Variants in TUBE1 observed in about 807,000 individuals in gnomAD.
TUBE1 encodes tubulin epsilon 1.
A neutral mutation model predicts 53.5 loss-of-function variants in TUBE1; 34 were observed. The ratio of observed to expected loss-of-function variants is 0.64; its 90% CI spans 0.48 to 0.85. TUBE1 has a LOEUF of 0.85. TUBE1 is among the 40% of genes least tolerant of loss of function. The pLI, the probability that TUBE1 is intolerant of heterozygous loss-of-function variation, is 0.00. For missense variants in TUBE1, 532 were observed against 570.5 expected (o/e 0.93, Z 0.69); for synonymous variants, 177 against 198.4 (o/e 0.89, Z 0.91).
At chr6:112,087,349 C>T in intron 1 of TUBE1, 43 bp from the exon 2 acceptor site, 1 of 1,551,476 alleles carries the variant, frequency 6.4e-7, no homozygotes, top group South Asian at 1.2e-5. Context: ...GGACATTAAG[C>T]AGGAAACATG....
At chr6:112,086,461 C>T (rs1554317329) in intron 3 of TUBE1, 95 bp downstream of exon 3, 2 of 814,478 alleles carry the variant, frequency 2.5e-6, no homozygotes, top group Non-Finnish European at 3.8e-6. Context: ...AACACAACTT[C>T]GCAGCTGGCT....
Position 112,079,144 on chromosome 6 carries a change from A to G in TUBE1, c.448+489T>C, listed in dbSNP as rs1263651626. On this transcript the variant is annotated intron_variant, in intron 6 of 11. Coordinates refer to ENST00000368662, the MANE Select transcript of TUBE1 (RefSeq NM_016262.5). ...TAAATGATCTAAAGGAATTGACTAA[A>G]CTAGTTTCCTTTTTTTTCTCTTTTT... Among the ~76,000 whole-genome samples, 2 of 151,982 alleles carry G rather than the reference A, an allele frequency of 1.3e-5. 1 individual carries two copies. Among genetic ancestry groups the G allele is most frequent in the Non-Finnish European group, 2.9e-5 (2 of 67,898 alleles).
chr6:112,087,351 G>A (rs1410073861), intron 1 of TUBE1, 45 bp from the exon 2 acceptor site: 7 of 1,551,516 alleles, frequency 4.5e-6, no homozygotes, highest in Non-Finnish European at 6.1e-6. Flanking sequence ...ACATTAAGCA[G>A]GAAACATGGC....
In TUBE1 at chr6:112,076,340, T is replaced by C. The variant is rs76283290; in HGVS notation, c.618A>G (p.Val206=). Residue 206 remains valine, a synonymous_variant, in exon 7 of 12, where the codon GTA becomes GTG. Transcript: ENST00000368662. ...MKELNEHADC[V]LPIDNQSLFD... ...TTCTTACTTGATTGTCAATGGGCAA[T>C]ACACAGTCTGCATGCTCATTAAGTT... 6.3e-7 allele frequency: 1 copy of C among 1,590,344 alleles called. No homozygotes were observed.
intron 2 of TUBE1, chr6:112,086,896 A>T: frequency 2.0e-6 from 1 of 490,388 alleles, no homozygotes; most frequent in East Asian, 3.3e-5. Context: ...TAATCTTTTT[A>T]AAAGCTGACT....
chr6:112,074,766 G>C lies in TUBE1; in HGVS notation c.897C>G (p.Leu299=). The C allele has an allele frequency of 6.2e-7, 1 of 1,608,036 alleles. No homozygotes were observed. The highest frequency in any genetic ancestry group is 8.5e-7 in the Non-Finnish European group (1 of 1,177,256). Residue 299 remains leucine (L), a synonymous_variant, in exon 9 of 12, where the codon CTC becomes CTG. Transcript: ENST00000368662. ...NLVPFPQLHY[L]VSSLTPLYTL... ...TATACAGAGGTGTTAGGCTTGACACGAGATAATGAAGTTGAGGAAAAGGAA... is the reference window on the plus strand; with the variant it reads ...TATACAGAGGTGTTAGGCTTGACACCAGATAATGAAGTTGAGGAAAAGGAA...
intron 3 of TUBE1, among the ~76,000 whole-genome samples, chr6:112,084,771 T>C (rs1777122620): frequency 6.6e-6 from 1 of 152,242 alleles, no homozygotes; most frequent in Non-Finnish European, 1.5e-5. Context: ...TCAGCCACCA[T>C]TAATGTAGTT....
chr6:112,075,365 T>A (rs1337379080), intron 8 of TUBE1: 2 of 152,298 alleles, frequency 1.3e-5, no homozygotes, highest in Non-Finnish European at 2.9e-5. Flanking sequence ...ACAGTCATTC[T>A]TTCTGGATTA....
intron 6 of TUBE1, 68 bp from the exon 7 acceptor site, chr6:112,076,577 CTT>C (rs1202868380): frequency 2.1e-6 from 3 of 1,417,344 alleles, no homozygotes; most frequent in Non-Finnish European, 2.8e-6. Context: ...GAATTTGAAA[CTT>C]TATTTTTTTT....
At chr6:112,072,684 G>A (rs772764273) in intron 10 of TUBE1, 74 bp downstream of exon 10, 82 of 1,483,440 alleles carry the variant, frequency 5.5e-5, no homozygotes, top group Non-Finnish European at 6.0e-5. Flanking sequence ...TTTGAAGGGC[G>A]GCTGTTAACT....
intron 2 of TUBE1, 178 bp from the exon 3 acceptor site, chr6:112,086,786 G>A (rs372195784): frequency 6.7e-5 from 36 of 533,876 alleles, no homozygotes; most frequent in African/African-American, 4.6e-4. Context: ...GTAAATGCCA[G>A]ATCTACAGAT....
At chr6:112,087,385 T>A in intron 1 of TUBE1, 25 bp downstream of exon 1, 1 of 1,551,106 alleles carries the variant, frequency 6.4e-7, no homozygotes, top group African/African-American at 1.4e-5. Context: ...GGCGACCAGG[T>A]CTCTACCCGC....
In TUBE1 at chr6:112,084,184, C is replaced by A. The variant is rs1198652075; in HGVS notation, c.210+5G>T. ...AATATAAGAATCCAAGCATATGTAT[C>A]TTACTCGTGCTTTTAAAGAACATAT... On this transcript the variant is annotated splice_donor_5th_base_variant and intron_variant, in intron 4 of 11. Coordinates refer to ENST00000368662, the MANE Select transcript of TUBE1 (RefSeq NM_016262.5). 9 of 1,597,686 alleles carry A rather than the reference C, an allele frequency of 5.6e-6. No homozygotes were observed. The highest frequency in any genetic ancestry group is 7.7e-6 in the Non-Finnish European group (9 of 1,165,392).
chr6:112,079,870 G>C, intron 5 of TUBE1, 116 bp from the exon 6 acceptor site: 1 of 964,370 alleles, frequency 1.0e-6, no homozygotes, highest in East Asian at 2.8e-5. Flanking sequence ...ATTGAGCTAA[G>C]TAAAGTCTAT....
intron 3 of TUBE1, chr6:112,085,349 G>A: frequency 6.1e-6 from 1 of 163,312 alleles, no homozygotes; most frequent in East Asian, 1.8e-4. Context: ...AAATAATAGT[G>A]CTCTCAGGTT....
chr6:112,079,395 C>T (rs1224169110), intron 6 of TUBE1: 3 of 327,098 alleles, frequency 9.2e-6, no homozygotes, highest in South Asian at 1.2e-4. Context: ...CAGTATAGTT[C>T]TGTTGACTCT....
chr6:112,087,446 G>C lies in TUBE1; in HGVS notation c.-12C>G. On this transcript the variant is annotated 5_prime_UTR_variant, in exon 1 of 12. Coordinates refer to ENST00000368662, the MANE Select transcript of TUBE1 (RefSeq NM_016262.5). ...ACCGACTGGGTCATGGTGGTGCGCCGCCGGCTCCGGGAGCTTGCTAGCCCG... is the reference window on the plus strand; with the variant it reads ...ACCGACTGGGTCATGGTGGTGCGCCCCCGGCTCCGGGAGCTTGCTAGCCCG... 1.3e-6 allele frequency: 2 copies of C among 1,549,490 alleles called. No individual in the cohort carries two copies. Among genetic ancestry groups the C allele is most frequent in the Middle Eastern group, 1.7e-4 (1 of 5,906 alleles).
chr6:112,074,373 T>C (rs1554315754), intron 9 of TUBE1, among the ~76,000 whole-genome samples: 1 of 147,710 alleles, frequency 6.8e-6, no homozygotes, highest in African/African-American at 2.7e-5. Flanking sequence ...ATTTCATTTT[T>C]ACAGATGAGA....
At chr6:112,074,132 T>G (rs1218411828) in intron 9 of TUBE1, among the ~76,000 whole-genome samples, 1 of 152,226 alleles carries the variant, frequency 6.6e-6, no homozygotes, top group Non-Finnish European at 1.5e-5. Context: ...CACTGTGAAC[T>G]TTTCAAGCTC....
Sources: gnomAD v4.1 joint callset for allele counts (sites outside exome capture counted in the v4.1 genomes callset) on GRCh38, gnomAD v4.1.1 for gene constraint, MANE v1.5 for transcripts, NCBI Gene and HGNC (gene_info 2026-07-23, HGNC 2026-07-21) for gene names.